Variants in MAP2K6 observed in about 807,000 individuals in gnomAD.
MAP2K6 encodes dual specificity mitogen-activated protein kinase kinase 6.
MAP2K6 carries 16 observed loss-of-function variants against 53.7 expected under a neutral mutation model. That is an observed-to-expected ratio of 0.30 (90% CI 0.20 to 0.45). The LOEUF (loss-of-function observed/expected upper bound fraction) is 0.45, where lower values mean the gene tolerates loss of function less well. Ranked by LOEUF, MAP2K6 falls within the 20% of genes least tolerant of loss-of-function variation. MAP2K6 has a pLI of 1.00. For synonymous variants in MAP2K6, 132 were observed against 143.1 expected, an observed-to-expected ratio of 0.92 and a Z score of 0.55; for missense variants, 204 against 411.9, an observed-to-expected ratio of 0.50 and a Z score of 4.37.
At chr17:69,504,281 T>A (rs1212567339) in intron 1 of MAP2K6, among the ~76,000 whole-genome samples, 1 of 151,444 alleles carries the variant, frequency 6.6e-6, no homozygotes, top group Middle Eastern at 3.4e-3. Flanking sequence ...TCTTTTTTTT[T>A]CTTTTTTTTT....
chr17:69,537,241 G>A (rs368798777), intron 11 of MAP2K6, among the ~76,000 whole-genome samples: 38 of 152,110 alleles, frequency 2.5e-4, no homozygotes, highest in African/African-American at 8.7e-4. Context: ...CACATTTTTG[G>A]GGGGGAGAAA....
intron 1 of MAP2K6, among the ~76,000 whole-genome samples, chr17:69,464,002 A>G (rs1907716123): frequency 6.6e-6 from 1 of 152,078 alleles, no homozygotes; most frequent in African/African-American, 2.4e-5. Context: ...TATACATTGC[A>G]TAGGCTCACC....
intron 1 of MAP2K6, among the ~76,000 whole-genome samples, chr17:69,495,112 A>C (rs369081839): frequency 4.1e-4 from 62 of 151,752 alleles, no homozygotes; most frequent in Admixed American, 9.8e-4. Context: ...AAAAAAAAAA[A>C]AAACAACAAA....
chr17:69,419,820 G>A (rs1906019613), intron 1 of MAP2K6, among the ~76,000 whole-genome samples: 4 of 151,834 alleles, frequency 2.6e-5, no homozygotes. Flanking sequence ...CCAGCTTCTT[G>A]GGAGAATCGC....
chr17:69,435,977 A>G (rs111755890), intron 1 of MAP2K6, among the ~76,000 whole-genome samples: 17 of 151,802 alleles, frequency 1.1e-4, no homozygotes, highest in African/African-American at 3.9e-4. Context: ...CGAAAAAACA[A>G]TAATTTCAAA....
chr17:69,495,598 C>T (rs543808061), intron 1 of MAP2K6, among the ~76,000 whole-genome samples: 1 of 152,230 alleles, frequency 6.6e-6, no homozygotes, highest in East Asian at 1.9e-4. Context: ...GTATCTAGCA[C>T]TCAGCTTTGA....
intron 1 of MAP2K6, among the ~76,000 whole-genome samples, chr17:69,421,104 T>C (rs1906064178): frequency 6.6e-6 from 1 of 152,204 alleles, no homozygotes; most frequent in Non-Finnish European, 1.5e-5. Flanking sequence ...AAATAATAGG[T>C]GCTCAAAAAA....
At chr17:69,500,716 A>G (rs1311270367) in intron 1 of MAP2K6, among the ~76,000 whole-genome samples, 1 of 151,656 alleles carries the variant, frequency 6.6e-6, no homozygotes, top group Non-Finnish European at 1.5e-5. Flanking sequence ...ACATTGTGCC[A>G]CTGTACTCCA....
At chr17:69,497,680 T>C (rs1235048784) in intron 1 of MAP2K6, among the ~76,000 whole-genome samples, 3 of 152,216 alleles carry the variant, frequency 2.0e-5, no homozygotes, top group Non-Finnish European at 4.4e-5. Flanking sequence ...TCCACCACTT[T>C]TCAGTTTGTC....
chr17:69,531,924 G>A (rs1032714396), intron 10 of MAP2K6, among the ~76,000 whole-genome samples: 1 of 152,124 alleles, frequency 6.6e-6, no homozygotes, highest in African/African-American at 2.4e-5. Context: ...AAACGAGTTC[G>A]CAAAAGATTG....
chr17:69,521,468 G>A (rs1910463459), intron 7 of MAP2K6: 1 of 188,914 alleles, frequency 5.3e-6, no homozygotes, highest in African/African-American at 2.3e-5. Flanking sequence ...AAATGAATTG[G>A]AATTTGCATT....
intron 1 of MAP2K6, among the ~76,000 whole-genome samples, chr17:69,445,048 G>A (rs1906930646): frequency 6.6e-6 from 1 of 152,164 alleles, no homozygotes; most frequent in East Asian, 1.9e-4. Context: ...AGCCTCCCAA[G>A]TAGCTGAGAT....
At chr17:69,449,543 T>TTC (rs1491358220) in intron 1 of MAP2K6, among the ~76,000 whole-genome samples, 3 of 88,470 alleles carry the variant, frequency 3.4e-5, no homozygotes, top group East Asian at 2.5e-4. Flanking sequence ...CTTTCTTTCT[T>TTC]TCTTTCTTTC....
intron 1 of MAP2K6, among the ~76,000 whole-genome samples, chr17:69,493,851 CT>C (rs1453672274): frequency 1.3e-5 from 2 of 152,062 alleles, no homozygotes; most frequent in African/African-American, 4.8e-5. Context: ...CCCTTGTACC[CT>C]TGTACCCATC....
chr17:69,453,070 CTT>C (rs904556720), intron 1 of MAP2K6, among the ~76,000 whole-genome samples: 24 of 152,256 alleles, frequency 1.6e-4, no homozygotes, highest in African/African-American at 5.8e-4. Flanking sequence ...CATGGAGACA[CTT>C]TGCCTTTTGC....
At chr17:69,456,922 A>G (rs1402924656) in intron 1 of MAP2K6, among the ~76,000 whole-genome samples, 1 of 152,208 alleles carries the variant, frequency 6.6e-6, no homozygotes, top group African/African-American at 2.4e-5. Flanking sequence ...GGACACTTCC[A>G]TTTGACTGAT....
chr17:69,544,233 A>G lies in MAP2K6; in HGVS notation c.*2480A>G, dbSNP rs1331367952. 1.3e-5 allele frequency: 2 copies of G among 152,204 alleles called. No homozygotes were observed. Among genetic ancestry groups the G allele is most frequent in the East Asian group, 3.8e-4 (2 of 5,196 alleles). The allele number at this position is 152,204 out of a possible 1,614,324, so 9.4% of individuals were successfully genotyped here. Reference sequence around the variant, plus strand: ...TTTGTCACTCTGAGAGAAGGCATGTACCTGGGATACTGATAGGAAGTGTAG... The same window carrying G: ...TTTGTCACTCTGAGAGAAGGCATGTGCCTGGGATACTGATAGGAAGTGTAG... On this transcript the variant is annotated 3_prime_UTR_variant, in exon 12 of 12. Transcript: ENST00000590474.
At chr17:69,517,002 G>A in intron 3 of MAP2K6, 99 bp downstream of exon 3, 5 of 956,096 alleles carry the variant, frequency 5.2e-6, no homozygotes, top group Non-Finnish European at 8.1e-6. Flanking sequence ...GTCAGGGGAT[G>A]AGTCAAAAAA....
chr17:69,447,482 A>C (rs1347468681), intron 1 of MAP2K6, among the ~76,000 whole-genome samples: 1 of 151,862 alleles, frequency 6.6e-6, no homozygotes, highest in Non-Finnish European at 1.5e-5. Context: ...AGTAGCTGGA[A>C]TTACAGGCAC....
Sources: allele counts gnomAD v4.1 joint callset (sites outside exome capture counted in the v4.1 genomes callset), GRCh38; gene constraint gnomAD v4.1.1; transcripts MANE v1.5; gene names NCBI Gene and HGNC (gene_info 2026-07-23, HGNC 2026-07-21).